Variants in PDE1A observed in about 807,000 individuals in gnomAD.
The protein encoded by PDE1A is dual specificity calcium/calmodulin-dependent 3',5'-cyclic nucleotide phosphodiesterase 1A.
Under a neutral mutation model 61.7 loss-of-function variants are expected in PDE1A, and 35 were observed. That is an observed-to-expected ratio of 0.57 (90% CI 0.43 to 0.75). PDE1A has a LOEUF of 0.75. Ranked by LOEUF, PDE1A falls within the 30% of genes least tolerant of loss-of-function variation. The pLI is 0.00. For synonymous variants in PDE1A, 232 were observed against 213.2 expected, an observed-to-expected ratio of 1.09 and a Z score of -0.77; for missense variants, 597 against 630.6, an observed-to-expected ratio of 0.95 and a Z score of 0.57.
chr2:182,597,058 TG>T, the PDE1A span, among the ~76,000 whole-genome samples: 1 of 150,952 alleles, frequency 6.6e-6, no homozygotes, highest in Non-Finnish European at 1.5e-5. Flanking sequence ...GAGGCTGAGG[TG>T]GGAAGATCAC....
chr2:182,361,166 T>A (rs1699484046), intron 1 of PDE1A, among the ~76,000 whole-genome samples: 1 of 152,112 alleles, frequency 6.6e-6, no homozygotes, highest in Non-Finnish European at 1.5e-5. Context: ...CCAATCTGAT[T>A]TTAACACTTG....
chr2:182,335,149 C>T (rs1697710959), intron 1 of PDE1A, among the ~76,000 whole-genome samples: 1 of 152,190 alleles, frequency 6.6e-6, no homozygotes, highest in Admixed American at 6.5e-5. Flanking sequence ...ATTCCATGCT[C>T]ATGGATAGGA....
At chr2:182,402,118 A>G (rs1172407542) in intron 1 of PDE1A, among the ~76,000 whole-genome samples, 2 of 152,220 alleles carry the variant, frequency 1.3e-5, no homozygotes, top group Non-Finnish European at 2.9e-5. Context: ...TTATAGATTC[A>G]ATGCTATCCC....
rs566945371 is a variant in PDE1A at position 182,441,534 on chromosome 2, T to G, written c.101+80742A>C. On this transcript the variant is annotated intron_variant, in intron 2 of 14. Transcript: ENST00000410103. ...AACTATAGGTTTTATAAATATAATA[T>G]ATACAACCCTAGCTATGTCCAGTGA... Among the ~76,000 whole-genome samples the G allele has an allele frequency of 7.5e-4, 114 of 152,050 alleles. 1 individual carries two copies. Among genetic ancestry groups the G allele is most frequent in the African/African-American group, 2.4e-3 (99 of 41,484 alleles).
At chr2:182,700,721 C>CAAAAAAAAAAAAAAA in the PDE1A span, among the ~76,000 whole-genome samples, 1,083 of 23,910 alleles carry the variant, frequency 0.045, 214 homozygotes, top group Non-Finnish European at 0.079. Flanking sequence ...GACTCCATCT[C>CAAAAAAAAAAAAAAA]AAAAAAAAAA....
intron 1 of PDE1A, among the ~76,000 whole-genome samples, chr2:182,422,764 A>T (rs1430475917): frequency 6.6e-6 from 1 of 152,210 alleles, no homozygotes; most frequent in Admixed American, 6.5e-5. Context: ...GGGAATATAG[A>T]AACAAAGGTT....
the PDE1A span, among the ~76,000 whole-genome samples, chr2:182,541,536 G>A: frequency 6.6e-6 from 1 of 152,074 alleles, no homozygotes; most frequent in Non-Finnish European, 1.5e-5. Context: ...GTAACATGGT[G>A]ACCATGGGTC....
chr2:182,277,188 A>G (rs763998442), intron 1 of PDE1A, among the ~76,000 whole-genome samples: 8 of 151,930 alleles, frequency 5.3e-5, no homozygotes, highest in Non-Finnish European at 7.4e-5. Flanking sequence ...CTCTTCGTAC[A>G]TACCATCCCC....
At chr2:182,453,780 A>G (rs1215257474) in intron 2 of PDE1A, among the ~76,000 whole-genome samples, 2 of 152,166 alleles carry the variant, frequency 1.3e-5, no homozygotes, top group Admixed American at 6.5e-5. Context: ...AAATAATAAG[A>G]GCTATCTATG....
intron 4 of PDE1A, among the ~76,000 whole-genome samples, chr2:182,231,549 G>T (rs1376258956): frequency 6.6e-6 from 1 of 151,308 alleles, no homozygotes; most frequent in Non-Finnish European, 1.5e-5. Flanking sequence ...TTACTCACTT[G>T]CTACATTGCT....
the PDE1A span, among the ~76,000 whole-genome samples, chr2:182,593,681 A>G: frequency 6.6e-6 from 1 of 151,972 alleles, no homozygotes; most frequent in Non-Finnish European, 1.5e-5. Flanking sequence ...GACCCCTTAC[A>G]TGTTACATGA....
chr2:182,392,576 C>T (rs1479758246), intron 1 of PDE1A, among the ~76,000 whole-genome samples: 2 of 149,292 alleles, frequency 1.3e-5, no homozygotes, highest in East Asian at 4.2e-4. Flanking sequence ...AGCATTAACG[C>T]AAAAGTCCAC....
At chr2:182,212,137 G>C (rs1267272031) in intron 7 of PDE1A, among the ~76,000 whole-genome samples, 1 of 151,256 alleles carries the variant, frequency 6.6e-6, no homozygotes, top group Non-Finnish European at 1.5e-5. Context: ...GTTAGTTGTA[G>C]GTTTTTTATA....
chr2:182,143,584 C>G (rs1317601486), downstream of PDE1A, among the ~76,000 whole-genome samples: 3 of 152,038 alleles, frequency 2.0e-5, no homozygotes, highest in Non-Finnish European at 1.5e-5. Context: ...GGCGCCATCT[C>G]GGCTCACTGC....
intron 1 of PDE1A, among the ~76,000 whole-genome samples, chr2:182,385,665 A>AGAAGAAG: frequency 7.2e-6 from 1 of 139,204 alleles, no homozygotes; most frequent in East Asian, 2.3e-4. Context: ...GAAAGAAGAA[A>AGAAGAAG]AAAAGAAAGA....
chr2:182,657,864 G>A, the PDE1A span, among the ~76,000 whole-genome samples: 1 of 151,626 alleles, frequency 6.6e-6, no homozygotes, highest in African/African-American at 2.4e-5. Context: ...TGTTATAATG[G>A]CTTCTGTATC....
chr2:182,439,633 T>C (rs1403304891), intron 2 of PDE1A, among the ~76,000 whole-genome samples: 1 of 152,050 alleles, frequency 6.6e-6, no homozygotes, highest in Non-Finnish European at 1.5e-5. Flanking sequence ...AAGCCACTGG[T>C]GGCCTTAATT....
At chr2:182,299,129 G>C (rs556030407) in intron 1 of PDE1A, among the ~76,000 whole-genome samples, 1 of 151,892 alleles carries the variant, frequency 6.6e-6, no homozygotes, top group African/African-American at 2.4e-5. Flanking sequence ...GTACACTGGG[G>C]AAAAATACAT....
the PDE1A span, among the ~76,000 whole-genome samples, chr2:182,622,262 T>C: frequency 1.3e-5 from 2 of 152,214 alleles, no homozygotes; most frequent in African/African-American, 2.4e-5. Flanking sequence ...AAGATTGTTT[T>C]TAATGTCCAT....
Sources: allele counts gnomAD v4.1 joint callset (sites outside exome capture counted in the v4.1 genomes callset), GRCh38; gene constraint gnomAD v4.1.1; transcripts MANE v1.5; gene names NCBI Gene and HGNC (gene_info 2026-07-23, HGNC 2026-07-21).